WDFY4: variants seen among roughly 807,000 people sequenced by gnomAD.
WDFY4 encodes the protein WDFY family member 4, also known as WD repeat- and FYVE domain-containing protein 4.
A neutral mutation model predicts 351.9 loss-of-function variants in WDFY4; 169 were observed. The ratio of observed to expected loss-of-function variants is 0.48; its 90% confidence interval spans 0.42 to 0.55. The LOEUF is 0.55. Among genes scored for constraint, WDFY4 ranks in the 20% least tolerant of loss-of-function variants. WDFY4 has a pLI of 0.00. For missense variants in WDFY4, 3,803 were observed against 3,935.6 expected, an observed-to-expected ratio of 0.97 and a Z score of 0.90; for synonymous variants, 1,622 against 1,574.6, an observed-to-expected ratio of 1.03 and a Z score of -0.71.
chr10:48,905,405 C>G (rs1053419259), intron 47 of WDFY4, among the ~76,000 whole-genome samples: 1 of 152,196 alleles, frequency 6.6e-6, no homozygotes, highest in African/African-American at 2.4e-5. Flanking sequence ...TTACTCATCC[C>G]CAGGTTGATG....
At chr10:48,977,122 G>A in intron 59 of WDFY4, 143 bp downstream of exon 59, 1 of 743,788 alleles carries the variant, frequency 1.3e-6, no homozygotes, top group Non-Finnish European at 1.9e-6. Context: ...GAAGGGAAAA[G>A]ACAAGGCTCT....
chr10:48,764,360 A>G (rs561963277), intron 13 of WDFY4, among the ~76,000 whole-genome samples: 3 of 152,342 alleles, frequency 2.0e-5, no homozygotes, highest in South Asian at 4.1e-4. Context: ...CATCATCAAT[A>G]TTAGAAATTG....
chr10:48,972,404 G>C (rs769615514), intron 57 of WDFY4, among the ~76,000 whole-genome samples: 1 of 152,174 alleles, frequency 6.6e-6, no homozygotes, highest in Non-Finnish European at 1.5e-5. Flanking sequence ...CTTATCCCCA[G>C]ATATACATAT....
chr10:48,758,707 A>C (rs2065407764), intron 12 of WDFY4, among the ~76,000 whole-genome samples: 1 of 152,068 alleles, frequency 6.6e-6, no homozygotes, highest in Non-Finnish European at 1.5e-5. Flanking sequence ...TCATTTAGTG[A>C]GTTTAAACAA....
intron 1 of WDFY4, among the ~76,000 whole-genome samples, chr10:48,689,706 A>G (rs2063146339): frequency 6.6e-6 from 1 of 152,172 alleles, no homozygotes; most frequent in Non-Finnish European, 1.5e-5. Flanking sequence ...TTTCATGGGA[A>G]TAGAGTTTGA....
chr10:48,807,304 A>G (rs1268460146), intron 27 of WDFY4, among the ~76,000 whole-genome samples: 1 of 152,228 alleles, frequency 6.6e-6, no homozygotes, highest in Non-Finnish European at 1.5e-5. Flanking sequence ...TAACCAACAT[A>G]TTAAAGCATT....
At chr10:48,793,831 G>T (rs563962282) in intron 23 of WDFY4, among the ~76,000 whole-genome samples, 18 of 152,312 alleles carry the variant, frequency 1.2e-4, no homozygotes, top group Admixed American at 9.1e-4. Flanking sequence ...TTTACTCTAG[G>T]CTCATCTGCT....
chr10:48,929,993 T>C (rs988389630), intron 47 of WDFY4, among the ~76,000 whole-genome samples: 1 of 152,236 alleles, frequency 6.6e-6, no homozygotes, highest in African/African-American at 2.4e-5. Context: ...TTACTTGTTA[T>C]GCTTGCATTT....
At chr10:48,844,012 A>G (rs770681091) in intron 39 of WDFY4, among the ~76,000 whole-genome samples, 2 of 152,236 alleles carry the variant, frequency 1.3e-5, no homozygotes, top group Non-Finnish European at 2.9e-5. Flanking sequence ...CTCCTGAGGC[A>G]CTGCTGCCAT....
intron 1 of WDFY4, among the ~76,000 whole-genome samples, chr10:48,701,071 C>T (rs10857622): frequency 0.27 from 41,478 of 152,014 alleles, 6,378 homozygotes; most frequent in East Asian, 0.66. Flanking sequence ...GCCCATTAAA[C>T]GCTACCTCCC....
chr10:48,960,024 G>T (rs1030665264), intron 53 of WDFY4, among the ~76,000 whole-genome samples: 7 of 152,354 alleles, frequency 4.6e-5, no homozygotes, highest in African/African-American at 1.4e-4. Context: ...GACCCTGCCT[G>T]GGTGCCAGCT....
intron 53 of WDFY4, among the ~76,000 whole-genome samples, chr10:48,961,822 T>A (rs1281765111): frequency 1.3e-5 from 2 of 151,768 alleles, no homozygotes; most frequent in South Asian, 2.1e-4. Flanking sequence ...GAGAAGCAGA[T>A]CTTTTGTGAT....
chr10:48,814,429 C>T (rs2067554738), intron 31 of WDFY4, among the ~76,000 whole-genome samples: 2 of 152,152 alleles, frequency 1.3e-5, no homozygotes, highest in African/African-American at 4.8e-5. Context: ...TCATGAGTGA[C>T]CTGGGGAAGG....
At chr10:48,900,193 G>T (rs1310013123) in intron 45 of WDFY4, 28 bp from the exon 46 acceptor site, 6 of 1,544,436 alleles carry the variant, frequency 3.9e-6, no homozygotes, top group Non-Finnish European at 4.4e-6. Context: ...AAAATATCAG[G>T]AGCATTAAAA....
At chr10:48,931,885 G>T (rs1028070637) in intron 47 of WDFY4, among the ~76,000 whole-genome samples, 1 of 152,202 alleles carries the variant, frequency 6.6e-6, no homozygotes, top group Non-Finnish European at 1.5e-5. Context: ...AATTGAGAAT[G>T]ATGTGGTCAG....
At position 48,710,002 on chromosome 10, in the gene WDFY4, G is replaced by T. The variant is rs2063727966; in HGVS notation, c.234+36G>T. On this transcript the variant is annotated intron_variant, in intron 2 of 61. Transcript: ENST00000325239. ...TTATTTTTGAAACTGTAAGGTGATA[G>T]GCGCTCTGGGACACTTCTGGGATGA... 4 of 1,510,688 alleles carry T rather than the reference G, an allele frequency of 2.6e-6. No individual in the cohort carries two copies. In the African/African-American group the frequency reaches 4.2e-5, roughly 16 times the overall value. The allele number at this position is 1,510,688 out of a possible 1,614,324, so 93.6% of individuals were successfully genotyped here. A position where few individuals can be genotyped will look rare whatever the true frequency, so the allele number is the denominator to read the frequency against.
chr10:48,940,699 T>C (rs1479192567), intron 47 of WDFY4, among the ~76,000 whole-genome samples: 1 of 152,050 alleles, frequency 6.6e-6, no homozygotes, highest in East Asian at 1.9e-4. Context: ...AGACCTGGTC[T>C]TGGGGGTAGA....
intron 9 of WDFY4, 63 bp from the exon 10 acceptor site, chr10:48,733,868 A>G (rs1289967564): frequency 7.0e-7 from 1 of 1,423,638 alleles, no homozygotes; most frequent in African/African-American, 1.4e-5. Flanking sequence ...AGCTGGAGTC[A>G]GAGATTTGCG....
intron 47 of WDFY4, among the ~76,000 whole-genome samples, chr10:48,941,174 C>A (rs535795485): frequency 6.6e-6 from 1 of 151,986 alleles, no homozygotes; most frequent in Non-Finnish European, 1.5e-5. Context: ...GAGATGAATG[C>A]GAAAGGGCAG....
Sources: gnomAD v4.1 joint callset for allele counts (sites outside exome capture counted in the v4.1 genomes callset) on GRCh38, gnomAD v4.1.1 for gene constraint, MANE v1.5 for transcripts, NCBI Gene and HGNC (gene_info 2026-07-23, HGNC 2026-07-21) for gene names.